IL1RAPL2: variants seen among roughly 807,000 people sequenced by gnomAD.
The protein encoded by IL1RAPL2 is interleukin 1 receptor accessory protein like 2, also known as X-linked interleukin-1 receptor accessory protein-like 2.
In IL1RAPL2, 3 loss-of-function variants were observed where a neutral mutation model predicts 44.1. That is an observed-to-expected ratio of 0.07 (90% CI 0.03 to 0.18). IL1RAPL2 has a LOEUF of 0.18. Ranked by LOEUF, IL1RAPL2 falls within the 10% of genes least tolerant of loss-of-function variation. The probability of loss-of-function intolerance (pLI) is 1.00; values close to 1 mark genes in which losing one functional copy is unlikely to be tolerated. For missense variants in IL1RAPL2, 391 were observed against 496.4 expected, an observed-to-expected ratio of 0.79 and a Z score of 2.02; for synonymous variants, 181 against 178.8, an observed-to-expected ratio of 1.01 and a Z score of -0.10.
At chrX:105,032,276 A>G (rs1167833565) in intron 2 of IL1RAPL2, among the ~76,000 whole-genome samples, 1 of 107,519 alleles carries the variant, frequency 9.3e-6, no homozygotes, top group Non-Finnish European at 1.9e-5. Flanking sequence ...TAGCTTTTGA[A>G]TGTGTTTGCT....
intron 6 of IL1RAPL2, among the ~76,000 whole-genome samples, chrX:105,525,768 C>A (rs774247426): frequency 1.8e-4 from 20 of 111,351 alleles, no homozygotes; most frequent in African/African-American, 6.2e-4. Flanking sequence ...AGATAGAAAA[C>A]ACTTCTCTCC....
At chrX:104,890,437 C>T (rs1383977782) in intron 2 of IL1RAPL2, among the ~76,000 whole-genome samples, 3 of 111,826 alleles carry the variant, frequency 2.7e-5, no homozygotes, top group African/African-American at 9.8e-5. Context: ...GTTCCTATTT[C>T]TCCACATCCT....
intron 6 of IL1RAPL2, among the ~76,000 whole-genome samples, chrX:105,495,435 G>A (rs1293249908): frequency 8.9e-6 from 1 of 112,174 alleles, no homozygotes; most frequent in Non-Finnish European, 1.9e-5. Context: ...GTTTACAAAT[G>A]CAATATTAAC....
chrX:104,690,465 C>T (rs756723481), intron 2 of IL1RAPL2, among the ~76,000 whole-genome samples: 3 of 112,353 alleles, frequency 2.7e-5, no homozygotes, highest in Non-Finnish European at 5.6e-5. Context: ...AGCCAACTTA[C>T]TAGCTCTATT....
intron 2 of IL1RAPL2, among the ~76,000 whole-genome samples, chrX:104,764,098 A>T (rs1396737450): frequency 9.0e-6 from 1 of 111,087 alleles, no homozygotes; most frequent in Non-Finnish European, 1.9e-5. Context: ...TCTGTGAAGA[A>T]TGTCATTGGT....
At chrX:104,866,033 A>C (rs373613643) in intron 2 of IL1RAPL2, among the ~76,000 whole-genome samples, 1 of 112,502 alleles carries the variant, frequency 8.9e-6, no homozygotes, top group Non-Finnish European at 1.9e-5. Flanking sequence ...CTTTCCTTCT[A>C]TAGTGACCAC....
At chrX:105,352,390 A>G (rs141606491) in intron 5 of IL1RAPL2, among the ~76,000 whole-genome samples, 79 of 112,539 alleles carry the variant, frequency 7.0e-4, no homozygotes, top group African/African-American at 2.4e-3. Flanking sequence ...ATTAGCTTCA[A>G]GTCTTTACCA....
At chrX:105,085,687 G>A (rs1180469960) in intron 2 of IL1RAPL2, among the ~76,000 whole-genome samples, 3 of 111,507 alleles carry the variant, frequency 2.7e-5, no homozygotes, top group Non-Finnish European at 5.6e-5. Flanking sequence ...GTTAACCGTT[G>A]AACAACATGG....
At chrX:104,935,202 A>G (rs1395578820) in intron 2 of IL1RAPL2, among the ~76,000 whole-genome samples, 1 of 112,222 alleles carries the variant, frequency 8.9e-6, no homozygotes, top group Non-Finnish European at 1.9e-5. Flanking sequence ...TCTCAGTAAC[A>G]TTATTTTACA....
At chrX:104,759,246 A>G (rs1480942066) in intron 2 of IL1RAPL2, among the ~76,000 whole-genome samples, 4 of 112,395 alleles carry the variant, frequency 3.6e-5, no homozygotes, top group African/African-American at 1.3e-4. Flanking sequence ...TAAATCTTGC[A>G]TCTGCTACTT....
intron 2 of IL1RAPL2, among the ~76,000 whole-genome samples, chrX:104,767,410 C>T (rs1006930728): frequency 8.9e-6 from 1 of 111,955 alleles, no homozygotes; most frequent in Non-Finnish European, 1.9e-5. Context: ...ACTGAAGACA[C>T]ATGTGCCTAG....
chrX:104,876,937 T>A (rs1922919625), intron 2 of IL1RAPL2, among the ~76,000 whole-genome samples: 1 of 109,582 alleles, frequency 9.1e-6, no homozygotes, highest in South Asian at 4.0e-4. Flanking sequence ...TGTCCATGTG[T>A]TCTCATTGTT....
At chrX:105,617,767 T>C (rs1162803828) in intron 6 of IL1RAPL2, among the ~76,000 whole-genome samples, 1 of 111,348 alleles carries the variant, frequency 9.0e-6, no homozygotes, top group African/African-American at 3.3e-5. Context: ...ACCTGCTATA[T>C]GTGAATAATA....
intron 6 of IL1RAPL2, among the ~76,000 whole-genome samples, chrX:105,594,355 T>C (rs886429306): frequency 4.5e-5 from 5 of 111,937 alleles, no homozygotes; most frequent in African/African-American, 1.6e-4. Context: ...CCATAACCAT[T>C]AGCAGAATAA....
At chrX:104,954,076 G>A (rs12353777) in intron 2 of IL1RAPL2, among the ~76,000 whole-genome samples, 2 of 111,579 alleles carry the variant, frequency 1.8e-5, no homozygotes, top group Admixed American at 1.9e-4. Flanking sequence ...TGGGCCAATA[G>A]GTCCAATGGA....
At chrX:104,801,074 G>A (rs1569316995) in intron 2 of IL1RAPL2, among the ~76,000 whole-genome samples, 1 of 112,918 alleles carries the variant, frequency 8.9e-6, no homozygotes, top group Non-Finnish European at 1.9e-5. Context: ...AATTCATTAG[G>A]ATAGCAGAGT....
chrX:105,083,163 T>C (rs2032435582), intron 2 of IL1RAPL2, among the ~76,000 whole-genome samples: 1 of 110,585 alleles, frequency 9.0e-6, no homozygotes, highest in Admixed American at 9.7e-5. Context: ...CATACACAAT[T>C]ATCAATAGCT....
chrX:105,130,167 A>G (rs1194814195), intron 2 of IL1RAPL2, among the ~76,000 whole-genome samples: 1 of 111,430 alleles, frequency 9.0e-6, no homozygotes, highest in East Asian at 2.8e-4. Context: ...TATTGAGAGA[A>G]CTAGGAATGT....
rs189586283 is a variant in IL1RAPL2 at position 104,624,453 on chromosome X, T to C, written c.-19-34442T>C. Among the ~76,000 whole-genome samples the C allele has an allele frequency of 5.6e-4, 63 of 111,603 alleles. No homozygotes were observed. The East Asian group carries it at 5.9e-3, about 10-fold the overall frequency. On this transcript the variant is annotated intron_variant, in intron 1 of 10. Coordinates refer to ENST00000372582, the MANE Select transcript of IL1RAPL2 (RefSeq NM_017416.2). ...GAAATACAAGTAGTCAATAAATATATGAAAAGATGATCTATCTAATTCATA... is the reference window on the plus strand; with the variant it reads ...GAAATACAAGTAGTCAATAAATATACGAAAAGATGATCTATCTAATTCATA...
Sources: allele counts gnomAD v4.1 joint callset (sites outside exome capture counted in the v4.1 genomes callset), GRCh38; gene constraint gnomAD v4.1.1; transcripts MANE v1.5; gene names NCBI Gene and HGNC (gene_info 2026-07-23, HGNC 2026-07-21).